The following GPM6B variants were observed in gnomAD, a reference collection of about 807,000 sequenced individuals.
GPM6B encodes neuronal membrane glycoprotein M6-b.
GPM6B carries 4 observed loss-of-function variants against 27.2 expected under a neutral mutation model. That is an observed-to-expected ratio of 0.15 (90% CI 0.07 to 0.34). The LOEUF is 0.34. Ranked by LOEUF, GPM6B falls within the 10% of genes least tolerant of loss-of-function variation. The pLI is 1.00. For missense variants in GPM6B, 183 were observed against 261.9 expected (o/e 0.70, Z 2.08); for synonymous variants, 124 against 103.1 (o/e 1.20, Z -1.23).
intron 1 of GPM6B, among the ~76,000 whole-genome samples, chrX:13,931,487 CA>C (rs757491124): frequency 5.1e-4 from 44 of 86,346 alleles, no homozygotes; most frequent in Middle Eastern, 6.0e-3. Context: ...GACTCCTTCT[CA>C]AAAAAAAAAG....
At chrX:13,837,172 C>A (rs2049505585) in intron 1 of GPM6B, among the ~76,000 whole-genome samples, 2 of 112,221 alleles carry the variant, frequency 1.8e-5, no homozygotes, top group Non-Finnish European at 3.8e-5. Context: ...GAAACCACGA[C>A]ATGACAGCTT....
At chrX:13,856,707 AT>A (rs397933313) in intron 1 of GPM6B, among the ~76,000 whole-genome samples, 40 of 96,432 alleles carry the variant, frequency 4.1e-4, no homozygotes, top group East Asian at 1.6e-3. Flanking sequence ...TTTTTTTATT[AT>A]TTTTTTTTTT....
intron 2 of GPM6B, among the ~76,000 whole-genome samples, chrX:13,806,604 T>C (rs1335801868): frequency 8.9e-6 from 1 of 112,088 alleles, no homozygotes; most frequent in Non-Finnish European, 1.9e-5. Flanking sequence ...TCATTTTAAT[T>C]AACCTGACAA....
intron 2 of GPM6B, among the ~76,000 whole-genome samples, chrX:13,798,303 C>T (rs1236309512): frequency 2.8e-5 from 3 of 109,026 alleles, no homozygotes; most frequent in African/African-American, 1.0e-4. Context: ...CAGAGGCATC[C>T]TCTGGACTGA....
At position 13,777,325 on chromosome X, in the gene GPM6B, G is replaced by C. The variant is rs372484712; in HGVS notation, c.771+27C>G. The C allele has an allele frequency of 3.7e-6, 4 of 1,081,128 alleles. No individual in the cohort carries two copies. The African/African-American group carries it at 7.3e-5, about 20-fold the overall frequency. The allele number at this position is 1,081,128 out of a possible 1,213,427, so 89.1% of individuals were successfully genotyped here. On this transcript the variant is annotated intron_variant, in intron 6 of 7. Coordinates refer to ENST00000316715, the MANE Select transcript of GPM6B (RefSeq NM_001001995.3). ...CTTTTTTCTCAGCCTAATACTCAAG[G>C]GTTATTCTGAACTGTGATGAGTTTA... is the stretch of plus-strand genomic sequence containing the variant.
chrX:13,783,594 G>A, intron 3 of GPM6B, 73 bp from the exon 4 acceptor site: 1 of 848,534 alleles, frequency 1.2e-6, no homozygotes, highest in Non-Finnish European at 1.7e-6. Flanking sequence ...GGACGCTGGA[G>A]AGAGGACATG....
chrX:13,851,025 C>T (rs5935667), intron 1 of GPM6B, among the ~76,000 whole-genome samples: 42,274 of 107,743 alleles, frequency 0.39, 6,453 homozygotes, highest in Non-Finnish European at 0.47. Flanking sequence ...TAGCTGGGCG[C>T]GGTGGTGCAT....
intron 1 of GPM6B, among the ~76,000 whole-genome samples, chrX:13,875,615 A>C (rs2050025319): frequency 8.9e-6 from 1 of 112,248 alleles, no homozygotes; most frequent in African/African-American, 3.2e-5. Context: ...AGGTAAAAAC[A>C]GCCCAAATGC....
intron 1 of GPM6B, among the ~76,000 whole-genome samples, chrX:13,836,331 C>T (rs2049493662): frequency 9.0e-6 from 1 of 111,546 alleles, no homozygotes; most frequent in Admixed American, 9.6e-5. Flanking sequence ...AGACTCCAGA[C>T]CTTAATTTAA....
intron 4 of GPM6B, 57 bp from the exon 5 acceptor site, chrX:13,780,046 C>T (rs767042419): frequency 9.9e-7 from 1 of 1,012,534 alleles, no homozygotes; most frequent in Non-Finnish European, 1.4e-6. Flanking sequence ...TGTGTGTCCC[C>T]TAAGTGGAAG....
At chrX:13,901,395 T>G (rs998977223) in intron 1 of GPM6B, among the ~76,000 whole-genome samples, 1 of 107,594 alleles carries the variant, frequency 9.3e-6, no homozygotes, top group Non-Finnish European at 1.9e-5. Flanking sequence ...CCTGGTTTCT[T>G]GTGTTACCAT....
chrX:13,811,076 T>G (rs1440698138), intron 1 of GPM6B, among the ~76,000 whole-genome samples: 2 of 112,112 alleles, frequency 1.8e-5, no homozygotes, highest in Middle Eastern at 4.2e-3. Flanking sequence ...ATGTCTTGAT[T>G]CTGGGCACCT....
At chrX:13,777,319 C>T in intron 6 of GPM6B, 33 bp downstream of exon 6, 1 of 1,056,569 alleles carries the variant, frequency 9.5e-7, no homozygotes, top group Non-Finnish European at 1.3e-6. Flanking sequence ...CAGCCTAATA[C>T]TCAAGGGTTA....
intron 1 of GPM6B, among the ~76,000 whole-genome samples, chrX:13,849,289 A>T (rs888624036): frequency 1.8e-5 from 2 of 112,832 alleles, no homozygotes; most frequent in Non-Finnish European, 3.7e-5. Context: ...GACGCCAAGA[A>T]GATAGAATCA....
chrX:13,831,288 T>C (rs1569243099), intron 1 of GPM6B, among the ~76,000 whole-genome samples: 2 of 108,208 alleles, frequency 1.8e-5, no homozygotes, highest in Non-Finnish European at 1.9e-5. Flanking sequence ...TCTAAACATT[T>C]AGGGTCTCAA....
intron 5 of GPM6B, among the ~76,000 whole-genome samples, chrX:13,778,531 A>T (rs2048458466): frequency 9.0e-6 from 1 of 111,263 alleles, no homozygotes; most frequent in African/African-American, 3.3e-5. Context: ...CACTCCTAGG[A>T]GGTTAAGGAA....
intron 1 of GPM6B, among the ~76,000 whole-genome samples, chrX:13,889,866 G>A (rs932270818): frequency 2.7e-5 from 3 of 109,855 alleles, no homozygotes; most frequent in Non-Finnish European, 3.8e-5. Context: ...TTGGAAGCTT[G>A]TATTTCAATA....
At chrX:13,910,658 C>T (rs1382722861) in intron 1 of GPM6B, among the ~76,000 whole-genome samples, 1 of 112,980 alleles carries the variant, frequency 8.9e-6, no homozygotes, top group Non-Finnish European at 1.9e-5. Context: ...TGCTCTTCTG[C>T]TCTAGAATTT....
chrX:13,936,975 C>T (rs1254456811), intron 1 of GPM6B, among the ~76,000 whole-genome samples: 1 of 112,620 alleles, frequency 8.9e-6, no homozygotes, highest in Non-Finnish European at 1.9e-5. Context: ...CTCAATACCA[C>T]ACTTGTTCGT....
Sources: allele counts gnomAD v4.1 joint callset (sites outside exome capture counted in the v4.1 genomes callset), GRCh38; gene constraint gnomAD v4.1.1; transcripts MANE v1.5; gene names NCBI Gene and HGNC (gene_info 2026-07-23, HGNC 2026-07-21).